The following MGAM2 variants were observed in gnomAD, a reference collection of about 807,000 sequenced individuals.
MGAM2 encodes the protein probable maltase-glucoamylase 2.
A neutral mutation model predicts 96.1 loss-of-function variants in MGAM2; 98 were observed. The ratio of observed to expected loss-of-function variants is 1.02; its 90% CI spans 0.87 to 1.21. MGAM2 has a LOEUF of 1.21. MGAM2 is among the 50% of genes most tolerant of loss of function. MGAM2 has a pLI of 0.00. For synonymous variants in MGAM2, 749 were observed against 414.8 expected (o/e 1.81, Z -9.79); for missense variants, 2,055 against 1,182.4 (o/e 1.74, Z -10.82).
intron 46 of MGAM2, among the ~76,000 whole-genome samples, chr7:142,217,203 A>T (rs1797789947): frequency 6.6e-6 from 1 of 152,070 alleles, no homozygotes; most frequent in African/African-American, 2.4e-5. Flanking sequence ...TATTATTTTA[A>T]CCCTTGTATT....
chr7:142,198,179 G>A lies in MGAM2; in HGVS notation c.4907G>A (p.Trp1636Ter), dbSNP rs1252909675. 9 of 702,976 alleles carry A rather than the reference G, an allele frequency of 1.3e-5. No homozygotes were observed. The East Asian group carries it at 2.4e-4, about 19-fold the overall frequency. The allele number at this position is 702,976 out of a possible 1,614,324, so 43.5% of individuals were successfully genotyped here. Residue 1636 changes from tryptophan to a stop codon, truncating the protein, a stop_gained, in exon 43 of 48, where the codon TGG becomes TAG. Transcript: ENST00000477922. LOFTEE classifies it high-confidence loss of function. ...TCTGCTTATTTTCCGAGAGCCCGTT[G>A]GTATGACTATAGCACGGTAAGAACT... Reference protein sequence around the residue: ...EISAYFPRARWYDYSTGTSST... With the variant: ...EISAYFPRAR
At chr7:142,171,192 T>C (rs1481808258) in intron 27 of MGAM2, 80 bp from the exon 28 acceptor site, 6 of 699,136 alleles carry the variant, frequency 8.6e-6, no homozygotes, top group Non-Finnish European at 1.6e-5. Context: ...GGCTTTGGAA[T>C]CAACTAGACA....
At chr7:142,188,931 C>T (rs888241560) in intron 36 of MGAM2, among the ~76,000 whole-genome samples, 19 of 152,182 alleles carry the variant, frequency 1.2e-4, no homozygotes, top group African/African-American at 2.4e-5. Context: ...GATATAATCA[C>T]ATTGTAAGTT....
rs144773138 is a variant in MGAM2 at position 142,116,315 on chromosome 7, A to G, written c.1-559A>G. ...AATTTATGTGAGTTGTTTGCTGTGA[A>G]CCTCCCAGCAAGACTTATGCTGGGT... On this transcript the variant is annotated intron_variant, in intron 1 of 47. Transcript: ENST00000477922. 1.6e-3 allele frequency among the ~76,000 whole-genome samples: 249 copies of G among 152,194 alleles called. 4 individuals carry two copies. The South Asian group carries it at 0.034, about 21-fold the overall frequency.
chr7:142,160,015 T>G (rs1163862259), intron 20 of MGAM2, 119 bp from the exon 21 acceptor site: 1 of 587,174 alleles, frequency 1.7e-6, no homozygotes, highest in Admixed American at 3.0e-5. Flanking sequence ...CACTTCACTT[T>G]GGGGTTCTCT....
intron 46 of MGAM2, among the ~76,000 whole-genome samples, chr7:142,217,191 C>A: frequency 6.6e-6 from 1 of 152,100 alleles, no homozygotes; most frequent in East Asian, 1.9e-4. Context: ...TAATTTATGT[C>A]ATATTATTTT....
chr7:142,177,875 G>A lies in MGAM2; in HGVS notation c.3816+2095G>A, dbSNP rs146091470. On this transcript the variant is annotated intron_variant, in intron 32 of 47. Transcript: ENST00000477922. ...GAGAGAATAATTTATTTTCCTTAGG[G>A]TATATACCCAGTAATGGGGTTGCTG... Among the ~76,000 whole-genome samples, 236 of 152,280 alleles carry A rather than the reference G, an allele frequency of 1.5e-3. 3 individuals carry two copies. Among genetic ancestry groups the A allele is most frequent in the African/African-American group, 4.7e-3 (197 of 41,558 alleles).
chr7:142,159,484 G>A, intron 20 of MGAM2, 141 bp downstream of exon 20: 2 of 607,024 alleles, frequency 3.3e-6, no homozygotes, highest in African/African-American at 1.8e-5. Flanking sequence ...TGTGAGAAAG[G>A]CATCTTAGTT....
chr7:142,148,118 C>T lies in MGAM2; in HGVS notation c.1634+545C>T, dbSNP rs1355908000. ...ACACACATGCACACACACGTGCACA[C>T]ACAACTATCACCATCACCACCACCA... On this transcript the variant is annotated intron_variant, in intron 15 of 47. Transcript: ENST00000477922. This position sits in a 1 kb window ranked among gnomAD's most constrained non-coding sequence, Gnocchi z 4.2. Among the ~76,000 whole-genome samples the T allele has an allele frequency of 2.6e-5, 4 of 152,036 alleles. No homozygotes were observed. Among genetic ancestry groups the T allele is most frequent in the African/African-American group, 9.7e-5 (4 of 41,402 alleles).
At chr7:142,134,336 A>G (rs562531444) in intron 7 of MGAM2, among the ~76,000 whole-genome samples, 184 bp downstream of exon 7, 35 of 152,326 alleles carry the variant, frequency 2.3e-4, no homozygotes, top group Middle Eastern at 3.4e-3. Context: ...AAAAAAAATT[A>G]AATTAGAAAT....
rs1442983210 is a variant in MGAM2, at chr7:142,154,820, G to T, written c.1898G>T (p.Arg633Met). The change falls in exon 17 of 48, where the codon AGG becomes ATG. Residue 633 changes from arginine (R) to methionine (M), a missense_variant. By Grantham distance (91) the Arg-to-Met change is moderately conservative (BLOSUM62 -1). Coordinates refer to ENST00000477922, the MANE Select transcript of MGAM2 (RefSeq NM_001293626.2). ...CTTGGAGCATTTTATCCACTACCAAGGAATCACAATGGGCCTGGGTTCAGG... is the reference window on the plus strand; with the variant it reads ...CTTGGAGCATTTTATCCACTACCAATGAATCACAATGGGCCTGGGTTCAGG... Reference protein sequence around the residue: ...MQLGAFYPLPRNHNGPGFRDQ... With the variant: ...MQLGAFYPLPMNHNGPGFRDQ... 2 of 703,494 alleles carry T rather than the reference G, an allele frequency of 2.8e-6. No individual in the cohort carries two copies. The highest frequency in any genetic ancestry group is 5.2e-6 in the Non-Finnish European group (2 of 385,062). The allele number at this position is 703,494 out of a possible 1,614,324, so 43.6% of individuals were successfully genotyped here.
At chr7:142,133,076 ATATTTAATATT>A (rs1475371261) in intron 6 of MGAM2, among the ~76,000 whole-genome samples, 200 of 134,446 alleles carry the variant, frequency 1.5e-3, no homozygotes, top group South Asian at 3.4e-3. Context: ...TATTTAATTT[ATATTTAATATT>A]TATTTAATAG....
rs1044854535 is a variant in MGAM2, at chr7:142,173,414, A to G, written c.3687+60A>G. On this transcript the variant is annotated intron_variant, in intron 31 of 47. Transcript: ENST00000477922. ...GTTACAGGAATTTGTGGCTAATTTT[A>G]TATTAGAAGTGCTATGATGTTCTTA... is the stretch of plus-strand genomic sequence containing the variant. 20 of 692,478 alleles carry G rather than the reference A, an allele frequency of 2.9e-5. 1 individual carries two copies. The highest frequency in any genetic ancestry group is 2.9e-4 in the South Asian group (19 of 66,524). The allele number at this position is 692,478 out of a possible 1,614,324, so 42.9% of individuals were successfully genotyped here.
At chr7:142,207,395 A>G (rs995725497) in intron 45 of MGAM2, among the ~76,000 whole-genome samples, 2 of 151,886 alleles carry the variant, frequency 1.3e-5, no homozygotes, top group Non-Finnish European at 2.9e-5. Context: ...TAACAAGTAA[A>G]GGCTACATTT....
In MGAM2 at chr7:142,187,840, T is replaced by A. The variant is rs1191714503; in HGVS notation, c.4207+6T>A. On this transcript the variant is annotated splice_donor_region_variant and intron_variant, in intron 36 of 47. Transcript: ENST00000477922. Reference sequence around the variant, plus strand: ...TAACCCACCCTATATGCCATGTATGTAAAATAATTACTTCATCAACTTACT... The same window carrying A: ...TAACCCACCCTATATGCCATGTATGAAAAATAATTACTTCATCAACTTACT... The A allele has an allele frequency of 1.4e-6, 1 of 701,144 alleles. No homozygotes were observed. The highest frequency in any genetic ancestry group is 2.6e-6 in the Non-Finnish European group (1 of 383,942). 43.4% of individuals were successfully genotyped at this position (701,144 alleles called of 1,614,324 possible).
In MGAM2 at chr7:142,178,191, C is replaced by T. The variant is rs1585191633; in HGVS notation, c.3816+2411C>T. Among the ~76,000 whole-genome samples, 3 of 152,254 alleles carry T rather than the reference C, an allele frequency of 2.0e-5. No homozygotes were observed. The South Asian group carries it at 6.2e-4, about 32-fold the overall frequency. On this transcript the variant is annotated intron_variant, in intron 32 of 47. Coordinates refer to ENST00000477922, the MANE Select transcript of MGAM2 (RefSeq NM_001293626.2). ...AGCAGTGTCTGTTCATGTCCTCTGC[C>T]TACTTTTTAATGGGATGGTTTGTTT...
chr7:142,174,809 G>A (rs1796319519), intron 31 of MGAM2, among the ~76,000 whole-genome samples: 1 of 144,390 alleles, frequency 6.9e-6, no homozygotes, highest in Admixed American at 7.1e-5. Flanking sequence ...TCTGCCTCCT[G>A]GGTTCAAGTG....
intron 14 of MGAM2, among the ~76,000 whole-genome samples, chr7:142,146,979 C>G (rs937421500): frequency 6.6e-6 from 1 of 152,096 alleles, no homozygotes; most frequent in Non-Finnish European, 1.5e-5. Context: ...CCACCTGCCT[C>G]GGCCTCCCAA....
intron 19 of MGAM2, among the ~76,000 whole-genome samples, chr7:142,158,695 G>C (rs1410053679): frequency 3.3e-5 from 5 of 152,144 alleles, no homozygotes; most frequent in Non-Finnish European, 5.9e-5. Flanking sequence ...GCTGCGAAGA[G>C]AGAATACCTG....
Sources: gnomAD v4.1 joint callset for allele counts (sites outside exome capture counted in the v4.1 genomes callset) on GRCh38, gnomAD v4.1.1 for gene constraint, Gnocchi (gnomAD v3.1) non-coding constraint, MANE v1.5 for transcripts, NCBI Gene and HGNC (gene_info 2026-07-23, HGNC 2026-07-21) for gene names.